The following SLC5A11 variants were observed in gnomAD, a reference collection of about 807,000 sequenced individuals.
SLC5A11 encodes solute carrier family 5 member 11.
Under a neutral mutation model 69.8 loss-of-function variants are expected in SLC5A11, and 48 were observed. The observed-to-expected ratio is 0.69, with a 90% CI of 0.55 to 0.87. The LOEUF (loss-of-function observed/expected upper bound fraction) is 0.87, where lower values mean the gene tolerates loss of function less well. SLC5A11 is among the 40% of genes least tolerant of loss of function. The pLI, the probability that SLC5A11 is intolerant of heterozygous loss-of-function variation, is 0.00. For synonymous variants in SLC5A11, 319 were observed against 342.4 expected, an observed-to-expected ratio of 0.93 and a Z score of 0.75; for missense variants, 784 against 866.1, an observed-to-expected ratio of 0.91 and a Z score of 1.19.
At chr16:24,879,575 A>G (rs1240990985) in intron 7 of SLC5A11, among the ~76,000 whole-genome samples, 13 of 152,148 alleles carry the variant, frequency 8.5e-5, no homozygotes, top group Admixed American at 4.6e-4. Context: ...ATTCTCTACT[A>G]AAAATACAAA....
At position 24,883,540 on chromosome 16, in the gene SLC5A11, G is replaced by C. The variant is rs558143841; in HGVS notation, c.584-511G>C. On this transcript the variant is annotated intron_variant, in intron 7 of 15. Transcript: ENST00000347898. ...TCCCCACAAGTCCATGGGTTCCTGGGTGGATATTTGCTAGTCTAACCTGGC... is the reference window on the plus strand; with the variant it reads ...TCCCCACAAGTCCATGGGTTCCTGGCTGGATATTTGCTAGTCTAACCTGGC... 2.6e-5 allele frequency among the ~76,000 whole-genome samples: 4 copies of C among 152,296 alleles called. No individual in the cohort carries two copies. The East Asian group carries it at 5.8e-4, about 22-fold the overall frequency.
intron 1 of SLC5A11, among the ~76,000 whole-genome samples, chr16:24,857,045 C>G (rs935532892): frequency 1.3e-5 from 2 of 152,144 alleles, no homozygotes; most frequent in South Asian, 4.1e-4. Context: ...GACTTGAACC[C>G]CTGGCCTCAT....
chr16:24,857,939 C>T (rs117882251), intron 1 of SLC5A11, among the ~76,000 whole-genome samples: 2 of 152,168 alleles, frequency 1.3e-5, no homozygotes, highest in Non-Finnish European at 2.9e-5. Flanking sequence ...ACTGAGAAAA[C>T]TGCTTAGATT....
At chr16:24,866,170 G>A (rs1157140147) in intron 3 of SLC5A11, among the ~76,000 whole-genome samples, 1 of 150,152 alleles carries the variant, frequency 6.7e-6, no homozygotes, top group Non-Finnish European at 1.5e-5. Flanking sequence ...TGGTAATATG[G>A]CATATGTAAA....
rs1225738888 is a variant in SLC5A11 at position 24,854,429 on chromosome 16, A to G, written c.-24-4191A>G. Among the ~76,000 whole-genome samples, 4 of 147,816 alleles carry G rather than the reference A, an allele frequency of 2.7e-5. No individual in the cohort carries two copies. The South Asian group carries it at 6.3e-4, about 23-fold the overall frequency. On this transcript the variant is annotated intron_variant, in intron 1 of 15. Coordinates refer to ENST00000347898, the Ensembl canonical transcript of SLC5A11. ...AGCCATCACTCCCCCTGTAAAGTAA[A>G]GTTTTTTTTTTTTTTCCGGAGACAG...
chr16:24,886,122 C>T (rs1370364398), intron 8 of SLC5A11, among the ~76,000 whole-genome samples: 1 of 151,624 alleles, frequency 6.6e-6, no homozygotes, highest in Non-Finnish European at 1.5e-5. Flanking sequence ...GCAACCTCCA[C>T]CTCCCGGGTT....
chr16:24,900,094 T>G (rs545273687), intron 10 of SLC5A11, among the ~76,000 whole-genome samples: 1 of 152,314 alleles, frequency 6.6e-6, no homozygotes, highest in South Asian at 2.1e-4. Context: ...GGAATAGGTT[T>G]ATACCATGGG....
chr16:24,910,065 C>T (rs971478771), intron 14 of SLC5A11, among the ~76,000 whole-genome samples: 2 of 151,436 alleles, frequency 1.3e-5, no homozygotes. Flanking sequence ...ATAATCACAT[C>T]CCAGCAACAG....
At chr16:24,901,981 C>CAT (rs1287003896) in intron 10 of SLC5A11, among the ~76,000 whole-genome samples, 1 of 148,954 alleles carries the variant, frequency 6.7e-6, no homozygotes, top group South Asian at 2.2e-4. Context: ...CACACACACA[C>CAT]ATATATAGTA....
intron 8 of SLC5A11, among the ~76,000 whole-genome samples, chr16:24,890,582 T>C (rs1158387955): frequency 2.6e-5 from 4 of 151,448 alleles, no homozygotes; most frequent in Non-Finnish European, 5.9e-5. Context: ...ATAGATACAT[T>C]CATTACTTTG....
chr16:24,849,587 A>T (rs992711660), intron 1 of SLC5A11, among the ~76,000 whole-genome samples: 159 of 81,738 alleles, frequency 1.9e-3, no homozygotes, highest in East Asian at 7.5e-3. Context: ...AAAAAAAAAA[A>T]AAAAAAATAT....
At chr16:24,888,518 T>C (rs1284962424) in intron 8 of SLC5A11, among the ~76,000 whole-genome samples, 2 of 141,124 alleles carry the variant, frequency 1.4e-5, no homozygotes, top group Non-Finnish European at 3.0e-5. Flanking sequence ...GGACTCTTGC[T>C]CTGTCACCAA....
chr16:24,868,389 G>C (rs1277763264), intron 3 of SLC5A11, among the ~76,000 whole-genome samples: 1 of 148,886 alleles, frequency 6.7e-6, no homozygotes, highest in East Asian at 2.0e-4. Flanking sequence ...AGGAGACCCA[G>C]ACCATCCTGG....
At chr16:24,893,472 C>G (rs2048950403) in intron 9 of SLC5A11, among the ~76,000 whole-genome samples, 1 of 152,018 alleles carries the variant, frequency 6.6e-6, no homozygotes, top group African/African-American at 2.4e-5. Context: ...ATTTCACCTG[C>G]CCAGGTATTC....
At chr16:24,900,374 C>T (rs1311736822) in intron 10 of SLC5A11, among the ~76,000 whole-genome samples, 2 of 152,026 alleles carry the variant, frequency 1.3e-5, no homozygotes, top group Non-Finnish European at 2.9e-5. Context: ...AATTTAGGAC[C>T]CTTAAGAAGC....
In SLC5A11 at chr16:24,909,648, A is replaced by T. The variant is rs1198887096; in HGVS notation, c.1650+552A>T. Among the ~76,000 whole-genome samples, 61 of 143,654 alleles carry T rather than the reference A, an allele frequency of 4.2e-4. No individual in the cohort carries two copies. The East Asian group carries it at 0.011, about 26-fold the overall frequency. The allele number at this position is 143,654 out of a possible 152,430, so 94.2% of individuals were successfully genotyped here. ...CAGAGCAAGACCCTGTCTCACAAAA[A>T]AAAAAAAAAAAAAAAAAAGGAAAAG... On this transcript the variant is annotated intron_variant, in intron 14 of 15. Coordinates refer to ENST00000347898, the Ensembl canonical transcript of SLC5A11.
At chr16:24,892,880 C>A (rs2048906602) in intron 9 of SLC5A11, among the ~76,000 whole-genome samples, 1 of 152,120 alleles carries the variant, frequency 6.6e-6, no homozygotes, top group East Asian at 1.9e-4. Flanking sequence ...TGTACTGCCC[C>A]ATTAAGAGAG....
chr16:24,891,898 A>AAAGTAGAGT (rs2048835119), intron 9 of SLC5A11, among the ~76,000 whole-genome samples: 1 of 152,002 alleles, frequency 6.6e-6, no homozygotes, highest in South Asian at 2.1e-4. Flanking sequence ...ATCATTTTAA[A>AAAGTAGAGT]AAGTAGAGTG....
intron 8 of SLC5A11, 36 bp downstream of exon 9, chr16:24,884,167 A>G (rs752904039): frequency 1.3e-6 from 2 of 1,591,312 alleles, no homozygotes; most frequent in Non-Finnish European, 1.7e-6. Flanking sequence ...GGCGGACAAC[A>G]GCACCTCTCT....
Sources: gnomAD v4.1 joint callset for allele counts (sites outside exome capture counted in the v4.1 genomes callset) on GRCh38, gnomAD v4.1.1 for gene constraint, MANE v1.5 for transcripts, NCBI Gene and HGNC (gene_info 2026-07-23, HGNC 2026-07-21) for gene names.